The following MCF2L2 variants were observed in gnomAD, a reference collection of about 807,000 sequenced individuals.
MCF2L2 encodes the protein probable guanine nucleotide exchange factor MCF2L2.
MCF2L2 carries 102 observed loss-of-function variants against 150.2 expected under a neutral mutation model. The observed-to-expected ratio is 0.68, with a 90% CI of 0.58 to 0.80. The LOEUF is 0.80. Among genes scored for constraint, MCF2L2 ranks in the 30% least tolerant of loss-of-function variants. MCF2L2 has a pLI of 0.00. For missense variants in MCF2L2, 1,256 were observed against 1,372.8 expected, an observed-to-expected ratio of 0.91 and a Z score of 1.34; for synonymous variants, 465 against 491.3, an observed-to-expected ratio of 0.95 and a Z score of 0.71.
intron 5 of MCF2L2, among the ~76,000 whole-genome samples, chr3:183,338,510 G>A (rs1158401893): frequency 6.6e-6 from 1 of 150,606 alleles, no homozygotes; most frequent in Non-Finnish European, 1.5e-5. Flanking sequence ...ACTGTCTACT[G>A]AATAAAATCC....
At chr3:183,380,399 C>CT (rs1412833278) in intron 2 of MCF2L2, among the ~76,000 whole-genome samples, 1 of 152,036 alleles carries the variant, frequency 6.6e-6, no homozygotes, top group African/African-American at 2.4e-5. Context: ...AGGTAGTTCC[C>CT]TATTTCTTTT....
intron 7 of MCF2L2, 142 bp downstream of exon 7, chr3:183,317,926 T>G: frequency 1.9e-6 from 2 of 1,044,762 alleles, no homozygotes; most frequent in Non-Finnish European, 2.7e-6. Flanking sequence ...TCTGGAAGGT[T>G]TAAGATGATC....
intron 1 of MCF2L2, among the ~76,000 whole-genome samples, chr3:183,406,063 T>A (rs904871072): frequency 2.0e-5 from 3 of 152,168 alleles, no homozygotes; most frequent in Non-Finnish European, 4.4e-5. Context: ...GCTATAAATA[T>A]TCATGAACAG....
chr3:183,314,204 T>C (rs1729502157), intron 7 of MCF2L2, among the ~76,000 whole-genome samples: 1 of 152,228 alleles, frequency 6.6e-6, no homozygotes, highest in African/African-American at 2.4e-5. Flanking sequence ...TAGCACTTAC[T>C]GAAGTCGGGA....
At chr3:183,421,896 C>T (rs900043219) in intron 1 of MCF2L2, among the ~76,000 whole-genome samples, 1 of 152,214 alleles carries the variant, frequency 6.6e-6, no homozygotes, top group African/African-American at 2.4e-5. Flanking sequence ...TGTCCCTCCT[C>T]AGACAATGTT....
intron 3 of MCF2L2, chr3:183,373,633 CATGGGG>C (rs1416598140): frequency 1.3e-5 from 2 of 152,138 alleles, no homozygotes; most frequent in African/African-American, 4.8e-5. Context: ...CCTGGCTGCA[CATGGGG>C]ATCACCGGTG....
Position 183,227,464 on chromosome 3 carries a change from C to T in MCF2L2, c.2115+833G>A, listed in dbSNP as rs1201142130. 1 of 152,162 alleles carries T rather than the reference C, an allele frequency of 6.6e-6. No individual in the cohort carries two copies. Among genetic ancestry groups the T allele is most frequent in the Non-Finnish European group, 1.5e-5 (1 of 68,036 alleles). 9.4% of individuals were successfully genotyped at this position (152,162 alleles called of 1,614,324 possible). On this transcript the variant is annotated intron_variant, in intron 18 of 29. Transcript: ENST00000328913. This position sits in a 1 kb window ranked among gnomAD's most constrained non-coding sequence, Gnocchi z 4.0. ...GTAGATTTAGAATTTTCGAATCATC[C>T]TCTATGTTGTAAAAAATAGAATGGA...
intron 3 of MCF2L2, among the ~76,000 whole-genome samples, chr3:183,369,173 C>T (rs1013336384): frequency 6.6e-5 from 10 of 152,264 alleles, no homozygotes; most frequent in Admixed American, 6.5e-4. Flanking sequence ...CCTTGAAAAC[C>T]GAGTTCTAGG....
At chr3:183,255,805 T>C (rs574701215) in intron 15 of MCF2L2, among the ~76,000 whole-genome samples, 123 of 144,876 alleles carry the variant, frequency 8.5e-4, no homozygotes, top group Admixed American at 2.1e-3. Context: ...ATGGTGAGAT[T>C]GTAAAAAAAA....
chr3:183,371,950 C>A (rs78392577), intron 3 of MCF2L2: 3 of 151,134 alleles, frequency 2.0e-5, no homozygotes, highest in Admixed American at 2.0e-4. Flanking sequence ...CTTTTTTCCA[C>A]GAGGAATTCC....
intron 1 of MCF2L2, among the ~76,000 whole-genome samples, chr3:183,419,381 T>C (rs931297277): frequency 1.3e-5 from 2 of 152,212 alleles, no homozygotes; most frequent in Non-Finnish European, 2.9e-5. Context: ...AACATTCAGC[T>C]CCTTATTACT....
At chr3:183,298,138 T>C (rs1032783264) in intron 11 of MCF2L2, 2 of 152,220 alleles carry the variant, frequency 1.3e-5, no homozygotes, top group African/African-American at 4.8e-5. Flanking sequence ...AGTTTCTGGA[T>C]GCTGGGAGGA....
At chr3:183,314,211 G>A (rs921593443) in intron 7 of MCF2L2, among the ~76,000 whole-genome samples, 4 of 152,150 alleles carry the variant, frequency 2.6e-5, no homozygotes, top group Non-Finnish European at 4.4e-5. Flanking sequence ...TACTGAAGTC[G>A]GGAGCACTCT....
Position 183,305,355 on chromosome 3 carries a change from T to G in MCF2L2, c.1113+4361A>C, listed in dbSNP as rs1042060280. Among the ~76,000 whole-genome samples the G allele has an allele frequency of 6.6e-6, 1 of 152,088 alleles. No homozygotes were observed. Among genetic ancestry groups the G allele is most frequent in the Non-Finnish European group, 1.5e-5 (1 of 68,020 alleles). ...TTTTTTTTTAAGTCCAGCTGCCTAA[T>G]TTATTAAGAACAGGGCAGAATTTTC... On this transcript the variant is annotated intron_variant, in intron 10 of 29. Coordinates refer to ENST00000328913, the MANE Select transcript of MCF2L2 (RefSeq NM_015078.4). This position sits in a 1 kb window ranked among gnomAD's most constrained non-coding sequence, Gnocchi z 4.1.
At chr3:183,212,869 C>T (rs569784547) in intron 22 of MCF2L2, among the ~76,000 whole-genome samples, 2 of 148,612 alleles carry the variant, frequency 1.3e-5, no homozygotes, top group South Asian at 2.1e-4. Context: ...ATCTGTTGGG[C>T]GCCAGGCACA....
At chr3:183,316,007 C>A (rs1048659721) in intron 7 of MCF2L2, among the ~76,000 whole-genome samples, 1 of 152,216 alleles carries the variant, frequency 6.6e-6, no homozygotes, top group African/African-American at 2.4e-5. Context: ...GCACACAGCT[C>A]AGTTTCACAG....
intron 5 of MCF2L2, among the ~76,000 whole-genome samples, chr3:183,331,330 G>A (rs959384572): frequency 2.0e-5 from 3 of 152,074 alleles, no homozygotes; most frequent in African/African-American, 7.2e-5. Flanking sequence ...TAGCCCATGC[G>A]GCGTGAGGTG....
At chr3:183,332,351 C>T (rs766000514) in intron 5 of MCF2L2, among the ~76,000 whole-genome samples, 2 of 151,738 alleles carry the variant, frequency 1.3e-5, no homozygotes, top group African/African-American at 2.4e-5. Flanking sequence ...AGAGCTTTTT[C>T]AAAAGTTGAT....
At chr3:183,203,521 A>G (rs1364874177) in intron 25 of MCF2L2, among the ~76,000 whole-genome samples, 1 of 152,206 alleles carries the variant, frequency 6.6e-6, no homozygotes, top group Admixed American at 6.5e-5. Context: ...AAATAGGTCA[A>G]TTGAATCTAT....
Sources: gnomAD v4.1 joint callset for allele counts (sites outside exome capture counted in the v4.1 genomes callset) on GRCh38, gnomAD v4.1.1 for gene constraint, Gnocchi (gnomAD v3.1) non-coding constraint, MANE v1.5 for transcripts, NCBI Gene and HGNC (gene_info 2026-07-23, HGNC 2026-07-21) for gene names.